The following ABCC1 variants were observed in gnomAD, a reference collection of about 807,000 sequenced individuals.
The protein encoded by ABCC1 is ATP binding cassette subfamily C member 1 (ABCC1 blood group).
A neutral mutation model predicts 172.9 loss-of-function variants in ABCC1; 83 were observed. The ratio of observed to expected loss-of-function variants is 0.48; its 90% CI spans 0.40 to 0.58. The LOEUF (loss-of-function observed/expected upper bound fraction) is 0.58, where lower values mean the gene tolerates loss of function less well. Ranked by LOEUF, ABCC1 falls within the 20% of genes least tolerant of loss-of-function variation. The probability of loss-of-function intolerance (pLI) is 0.00; values close to 1 mark genes in which losing one functional copy is unlikely to be tolerated. For synonymous variants in ABCC1, 937 were observed against 825.2 expected (o/e 1.14, Z -2.32); for missense variants, 1,817 against 2,002.7 (o/e 0.91, Z 1.77).
intron 7 of ABCC1, among the ~76,000 whole-genome samples, chr16:16,039,458 G>T (rs557272422): frequency 6.6e-6 from 1 of 151,578 alleles, no homozygotes; most frequent in East Asian, 1.9e-4. Flanking sequence ...TAGTAGAGAC[G>T]GGGTTTCACC....
rs2045995780 is a variant in ABCC1, at chr16:16,138,394, C to T, written c.4323C>T (p.Ala1441=). ...GGCAGCGCCAGCTTGTGTGCCTAGCCCGGGCCCTGCTGAGGAAGACGAAGA... is the reference window on the plus strand; with the variant it reads ...GGCAGCGCCAGCTTGTGTGCCTAGCTCGGGCCCTGCTGAGGAAGACGAAGA... ...SVGQRQLVCL[A]RALLRKTKIL... is the part of the protein sequence containing the mutation. Residue 1441 remains alanine (A), a synonymous_variant, in exon 30 of 31, where the codon GCC becomes GCT. Coordinates refer to ENST00000399410, the MANE Select transcript of ABCC1 (RefSeq NM_004996.4). 4.4e-6 allele frequency: 7 copies of T among 1,603,522 alleles called. No individual in the cohort carries two copies. The East Asian group carries it at 1.1e-4, about 26-fold the overall frequency.
chr16:16,064,354 G>T (rs2050033156), intron 12 of ABCC1, among the ~76,000 whole-genome samples: 2 of 152,190 alleles, frequency 1.3e-5, no homozygotes, highest in South Asian at 4.1e-4. Context: ...CAGGGAACCT[G>T]TTAAAGCCTG....
chr16:16,068,164 G>A lies in ABCC1; in HGVS notation c.1686G>A (p.Leu562=), dbSNP rs1191953477. ...TWVCTPFLVA[L]CTFAVYVTID... ...GGGCGTTCTGCTTGCAGGTGGCCTT[G>A]TGCACATTTGCCGTCTACGTGACCA... The change falls in exon 13 of 31, where the codon TTG becomes TTA. Residue 562 remains leucine, a synonymous_variant. Coordinates refer to ENST00000399410, the MANE Select transcript of ABCC1 (RefSeq NM_004996.4). 3.1e-6 allele frequency: 5 copies of A among 1,614,104 alleles called. No individual in the cohort carries two copies. The highest frequency in any genetic ancestry group is 3.4e-6 in the Non-Finnish European group (4 of 1,180,036).
At chr16:16,010,919 T>G (rs985599692) in intron 3 of ABCC1, among the ~76,000 whole-genome samples, 1 of 151,874 alleles carries the variant, frequency 6.6e-6, no homozygotes, top group African/African-American at 2.4e-5. Context: ...TCTCGGAGAG[T>G]GTAGCCCTTG....
chr16:15,960,197 C>T (rs546086912), intron 1 of ABCC1, among the ~76,000 whole-genome samples: 109 of 152,230 alleles, frequency 7.2e-4, no homozygotes, highest in African/African-American at 2.5e-3. Context: ...CCTCCCAACT[C>T]ACCCTCCCAA....
chr16:15,962,573 G>A (rs1597055503), intron 1 of ABCC1, among the ~76,000 whole-genome samples: 1 of 152,324 alleles, frequency 6.6e-6, no homozygotes, highest in East Asian at 1.9e-4. Context: ...TGGCTGGGGA[G>A]GCCTCAGGAA....
intron 1 of ABCC1, among the ~76,000 whole-genome samples, chr16:15,968,827 A>G (rs552664165): frequency 1.1e-4 from 17 of 152,136 alleles, no homozygotes; most frequent in East Asian, 1.9e-4. Context: ...GGCTCAAGCA[A>G]TCCTCCCACC....
At chr16:16,124,944 T>C in intron 25 of ABCC1, 29 bp downstream of exon 25, 3 of 1,613,924 alleles carry the variant, frequency 1.9e-6, no homozygotes, top group Non-Finnish European at 2.5e-6. Flanking sequence ...GGCTGGATTA[T>C]TAAAGTCTGT....
intron 1 of ABCC1, among the ~76,000 whole-genome samples, chr16:15,950,428 G>T (rs1302502140): frequency 1.3e-5 from 2 of 152,160 alleles, no homozygotes; most frequent in African/African-American, 4.8e-5. Flanking sequence ...TGCCCTACCT[G>T]ACCCTCGGCT....
At chr16:15,971,282 G>A (rs566104587) in intron 1 of ABCC1, among the ~76,000 whole-genome samples, 24 of 152,294 alleles carry the variant, frequency 1.6e-4, no homozygotes, top group Admixed American at 5.2e-4. Context: ...CAAATGCAGG[G>A]TACCATGATC....
At chr16:16,049,875 G>A (rs779472473) in intron 10 of ABCC1, among the ~76,000 whole-genome samples, 4 of 151,650 alleles carry the variant, frequency 2.6e-5, no homozygotes, top group Non-Finnish European at 5.9e-5. Context: ...TGTATTTTTA[G>A]TAGAGACAGT....
intron 20 of ABCC1, among the ~76,000 whole-genome samples, chr16:16,103,461 T>A (rs1242168831): frequency 1.3e-5 from 2 of 152,082 alleles, no homozygotes; most frequent in African/African-American, 4.8e-5. Flanking sequence ...GCGCCTGTAG[T>A]CCCAGCTACT....
rs111837429 is a variant in ABCC1 at position 15,971,281 on chromosome 16, G to C, written c.48+21482G>C. ...CTAGCCTTTTAATATGCAAATGCAG[G>C]GTACCATGATCTGCACACTTGGGGA... On this transcript the variant is annotated intron_variant, in intron 1 of 30. Coordinates refer to ENST00000399410, the MANE Select transcript of ABCC1 (RefSeq NM_004996.4). Among the ~76,000 whole-genome samples the C allele has an allele frequency of 4.2e-3, 642 of 152,262 alleles. 4 individuals are homozygous for C. Among genetic ancestry groups the C allele is most frequent in the African/African-American group, 0.014 (564 of 41,546 alleles).
intron 1 of ABCC1, among the ~76,000 whole-genome samples, chr16:15,983,258 T>C (rs2046668829): frequency 6.6e-6 from 1 of 152,070 alleles, no homozygotes; most frequent in Non-Finnish European, 1.5e-5. Flanking sequence ...GGGAACCCAC[T>C]CTGCAAAGGC....
intron 1 of ABCC1, among the ~76,000 whole-genome samples, chr16:15,953,283 A>G (rs959729443): frequency 6.6e-6 from 1 of 152,218 alleles, no homozygotes; most frequent in South Asian, 2.1e-4. Context: ...CAGTGAGCTG[A>G]GATCACATCA....
intron 23 of ABCC1, among the ~76,000 whole-genome samples, chr16:16,118,615 A>G (rs1244476046): frequency 6.6e-6 from 1 of 151,992 alleles, no homozygotes; most frequent in African/African-American, 2.4e-5. Context: ...AGCAGGGATA[A>G]TTAGAAGACG....
In ABCC1 at chr16:16,024,710, A is replaced by G. The variant is rs1222643527; in HGVS notation, c.615+8089A>G. 2.6e-5 allele frequency among the ~76,000 whole-genome samples: 4 copies of G among 152,140 alleles called. No homozygotes were observed. In the East Asian group the frequency reaches 7.7e-4, roughly 29 times the overall value. On this transcript the variant is annotated intron_variant, in intron 5 of 30. Coordinates refer to ENST00000399410, the MANE Select transcript of ABCC1 (RefSeq NM_004996.4). ...GGGAGCTGAGGAAAGGTTTTTCACC[A>G]GTGGAATGACACACTCAGGTTGGAC...
chr16:16,125,368 G>T lies in ABCC1; in HGVS notation c.3718-442G>T, dbSNP rs556544949. ...AGGCCTGGGTGATGGCTATACCTGG[G>T]GTTGCTAATTTCGGTACCTTTCTTA... On this transcript the variant is annotated intron_variant, in intron 25 of 30. Coordinates refer to ENST00000399410, the MANE Select transcript of ABCC1 (RefSeq NM_004996.4). Among the ~76,000 whole-genome samples the T allele has an allele frequency of 5.9e-5, 9 of 152,134 alleles. 1 individual carries two copies. The highest frequency in any genetic ancestry group is 1.9e-4 in the African/African-American group (8 of 41,532).
Position 16,014,009 on chromosome 16 carries a change from T to A in ABCC1, c.352-482T>A, listed in dbSNP as rs557108626. Among the ~76,000 whole-genome samples, 923 of 152,310 alleles carry A rather than the reference T, an allele frequency of 6.1e-3. 11 individuals carry two copies. Among genetic ancestry groups the A allele is most frequent in the African/African-American group, 0.021 (884 of 41,560 alleles). ...GTACTGGGTTCTCTGCCTGTTCTTTTAAATAAAGTTTTATTGGCATGAAGG... is the reference window on the plus strand; with the variant it reads ...GTACTGGGTTCTCTGCCTGTTCTTTAAAATAAAGTTTTATTGGCATGAAGG... On this transcript the variant is annotated intron_variant, in intron 3 of 30. Coordinates refer to ENST00000399410, the MANE Select transcript of ABCC1 (RefSeq NM_004996.4).
Sources: allele counts gnomAD v4.1 joint callset (sites outside exome capture counted in the v4.1 genomes callset), GRCh38; gene constraint gnomAD v4.1.1; transcripts MANE v1.5; gene names NCBI Gene and HGNC (gene_info 2026-07-23, HGNC 2026-07-21).